Variants in DLG2 observed in about 807,000 individuals in gnomAD.
DLG2 encodes the protein discs large MAGUK scaffold protein 2.
DLG2 carries 45 observed loss-of-function variants against 132.5 expected under a neutral mutation model. The observed-to-expected ratio is 0.34, with a 90% CI of 0.27 to 0.44. The LOEUF (loss-of-function observed/expected upper bound fraction) is 0.44, where lower values mean the gene tolerates loss of function less well. Ranked by LOEUF, DLG2 falls within the 20% of genes least tolerant of loss-of-function variation. DLG2 has a pLI of 1.00. For synonymous variants in DLG2, 424 were observed against 419.6 expected (o/e 1.01, Z -0.13); for missense variants, 1,045 against 1,196.9 (o/e 0.87, Z 1.87).
chr11:84,010,784 T>G (rs1419655689), intron 11 of DLG2, among the ~76,000 whole-genome samples: 2 of 151,984 alleles, frequency 1.3e-5, no homozygotes, highest in Non-Finnish European at 2.9e-5. Context: ...TGTAAACACT[T>G]GAGCATTATT....
rs558135379 is a variant in DLG2, at chr11:84,751,523, G to A, written c.358-216792C>T. 3.9e-5 allele frequency among the ~76,000 whole-genome samples: 6 copies of A among 152,176 alleles called. No homozygotes were observed. In the South Asian group the frequency reaches 6.2e-4, roughly 16 times the overall value. Reference sequence around the variant, plus strand: ...TCACTCTCTTTCTCTGTGTGGTGACGTACATGGAAGAAATCACAGCATTCA... The same window carrying A: ...TCACTCTCTTTCTCTGTGTGGTGACATACATGGAAGAAATCACAGCATTCA... On this transcript the variant is annotated intron_variant, in intron 6 of 27. Transcript: ENST00000376104.
chr11:84,774,972 G>C (rs1364646113), intron 6 of DLG2, among the ~76,000 whole-genome samples: 1 of 152,002 alleles, frequency 6.6e-6, no homozygotes, highest in East Asian at 1.9e-4. Context: ...CACAGCAAAA[G>C]AAACTACCAA....
At chr11:83,733,469 T>C (rs1245340529) in intron 18 of DLG2, among the ~76,000 whole-genome samples, 1 of 152,186 alleles carries the variant, frequency 6.6e-6, no homozygotes, top group Non-Finnish European at 1.5e-5. Context: ...TATTTGATTT[T>C]CAGTCTCTAG....
At chr11:84,107,871 C>T (rs2093076029) in intron 9 of DLG2, among the ~76,000 whole-genome samples, 1 of 152,098 alleles carries the variant, frequency 6.6e-6, no homozygotes, top group Non-Finnish European at 1.5e-5. Flanking sequence ...GGAACTGCAG[C>T]TTTGAGGCAA....
At chr11:84,524,831 T>G (rs2099315180) in intron 7 of DLG2, among the ~76,000 whole-genome samples, 2 of 151,612 alleles carry the variant, frequency 1.3e-5, no homozygotes, top group African/African-American at 2.4e-5. Flanking sequence ...TGGGGTCAAA[T>G]GTAACTCATA....
Position 84,725,260 on chromosome 11 carries a change from T to C in DLG2, c.358-190529A>G, listed in dbSNP as rs144607196. On this transcript the variant is annotated intron_variant, in intron 6 of 27. Transcript: ENST00000376104. ...CTCTATAATAGTGTTTGTTATTTAG[T>C]AACTCTTTGAGAGAATTCTTCCTTA... 9.2e-5 allele frequency among the ~76,000 whole-genome samples: 14 copies of C among 152,262 alleles called. No homozygotes were observed. The East Asian group carries it at 2.7e-3, about 29-fold the overall frequency.
Position 83,966,883 on chromosome 11 carries a change from G to C in DLG2, c.1057-1415C>G, listed in dbSNP as rs186074178. 3.6e-4 allele frequency among the ~76,000 whole-genome samples: 55 copies of C among 151,898 alleles called. No homozygotes were observed. In the East Asian group the frequency reaches 4.6e-3, roughly 13 times the overall value. On this transcript the variant is annotated intron_variant, in intron 12 of 27. Coordinates refer to ENST00000376104, the MANE Select transcript of DLG2 (RefSeq NM_001142699.3). ...TCTGCTACTTTTTATCCTTTCATCTGTATCTCCCCATTTTCCACCTCCCCC... is the reference window on the plus strand; with the variant it reads ...TCTGCTACTTTTTATCCTTTCATCTCTATCTCCCCATTTTCCACCTCCCCC...
chr11:83,481,984 C>T (rs972772365), intron 22 of DLG2, among the ~76,000 whole-genome samples: 2 of 151,962 alleles, frequency 1.3e-5, no homozygotes, highest in Non-Finnish European at 2.9e-5. Flanking sequence ...TTTCTTTTCC[C>T]TCTCAAATTG....
intron 6 of DLG2, among the ~76,000 whole-genome samples, chr11:84,869,023 T>A (rs1434980242): frequency 1.3e-5 from 2 of 152,192 alleles, no homozygotes; most frequent in Non-Finnish European, 2.9e-5. Context: ...ATTTTACATA[T>A]CTCTAACAAA....
At chr11:84,154,877 T>A (rs1289142157) in intron 9 of DLG2, among the ~76,000 whole-genome samples, 1 of 152,186 alleles carries the variant, frequency 6.6e-6, no homozygotes, top group Non-Finnish European at 1.5e-5. Context: ...ATGTGCCACA[T>A]TTTCTTAATC....
At chr11:84,481,107 T>G (rs1253988931) in intron 7 of DLG2, among the ~76,000 whole-genome samples, 1 of 152,088 alleles carries the variant, frequency 6.6e-6, no homozygotes, top group Non-Finnish European at 1.5e-5. Flanking sequence ...AGAGATAATA[T>G]AGGAAAATAC....
chr11:85,063,020 A>C (rs1190645106), intron 6 of DLG2, among the ~76,000 whole-genome samples: 1 of 151,840 alleles, frequency 6.6e-6, no homozygotes, highest in Non-Finnish European at 1.5e-5. Context: ...TGTAGTGCTA[A>C]AGTACTAAGA....
At chr11:84,407,993 T>G (rs965771648) in intron 7 of DLG2, among the ~76,000 whole-genome samples, 1 of 152,186 alleles carries the variant, frequency 6.6e-6, no homozygotes, top group African/African-American at 2.4e-5. Flanking sequence ...AAACAGATCC[T>G]ACTAGATTAT....
chr11:83,762,851 G>A (rs2093970202), intron 18 of DLG2, among the ~76,000 whole-genome samples: 1 of 152,224 alleles, frequency 6.6e-6, no homozygotes, highest in Admixed American at 6.5e-5. Flanking sequence ...AAAGTGCTGG[G>A]ATTACAGGCG....
chr11:85,378,980 T>A (rs1254384001), intron 3 of DLG2, among the ~76,000 whole-genome samples: 1 of 152,182 alleles, frequency 6.6e-6, no homozygotes, highest in Admixed American at 6.5e-5. Flanking sequence ...CTTAAATTGC[T>A]GGTTTTATAA....
intron 22 of DLG2, among the ~76,000 whole-genome samples, chr11:83,478,251 C>G (rs1449923468): frequency 3.3e-5 from 5 of 151,998 alleles, no homozygotes; most frequent in African/African-American, 1.2e-4. Flanking sequence ...CTCCTCTGAG[C>G]TGTGATAAAG....
intron 6 of DLG2, among the ~76,000 whole-genome samples, chr11:84,883,003 T>A (rs757811516): frequency 6.6e-6 from 1 of 152,106 alleles, no homozygotes; most frequent in Non-Finnish European, 1.5e-5. Flanking sequence ...TAAAGACACA[T>A]GCACACGTAT....
chr11:83,625,929 C>G (rs926240006), intron 19 of DLG2, among the ~76,000 whole-genome samples: 24 of 152,092 alleles, frequency 1.6e-4, no homozygotes, highest in African/African-American at 5.6e-4. Context: ...TGTTCAAATA[C>G]CTTGGCTTAT....
At chr11:84,452,447 G>A (rs951871571) in intron 7 of DLG2, among the ~76,000 whole-genome samples, 3 of 151,766 alleles carry the variant, frequency 2.0e-5, no homozygotes, top group Non-Finnish European at 4.4e-5. Flanking sequence ...TACTCCTGCT[G>A]TCTTAAAAAT....
Sources: allele counts gnomAD v4.1 joint callset (sites outside exome capture counted in the v4.1 genomes callset), GRCh38; gene constraint gnomAD v4.1.1; transcripts MANE v1.5; gene names NCBI Gene and HGNC (gene_info 2026-07-23, HGNC 2026-07-21).